ZNF14: variants seen among roughly 807,000 people sequenced by gnomAD.
ZNF14 encodes gonadotropin inducible transcription repressor-4.
A neutral mutation model predicts 11.3 loss-of-function variants in ZNF14; 9 were observed. The ratio of observed to expected loss-of-function variants is 0.80; its 90% CI spans 0.48 to 1.39. The LOEUF (loss-of-function observed/expected upper bound fraction) is 1.39, where lower values mean the gene tolerates loss of function less well. ZNF14 is among the 40% of genes most tolerant of loss of function. The pLI is 0.00. For missense variants in ZNF14, 711 were observed against 763.9 expected, an observed-to-expected ratio of 0.93 and a Z score of 0.82; for synonymous variants, 239 against 245.7, an observed-to-expected ratio of 0.97 and a Z score of 0.25.
At chr19:19,732,762 C>G (rs1476695053) in intron 1 of ZNF14, among the ~76,000 whole-genome samples, 194 bp downstream of exon 1, 1 of 152,192 alleles carries the variant, frequency 6.6e-6, no homozygotes, top group African/African-American at 2.4e-5. Flanking sequence ...GAGGTCGCCC[C>G]GCGGGGACGG....
At position 19,732,863 on chromosome 19, in the gene ZNF14, A is replaced by G. The variant is rs1458326256; in HGVS notation, c.3+93T>C. The G allele has an allele frequency of 3.2e-6, 5 of 1,543,024 alleles. No individual in the cohort carries two copies. In the East Asian group the frequency reaches 1.2e-4, roughly 36 times the overall value. The stretch of plus-strand genomic sequence containing the variant: ...GCCCGCGGTGGCCCCCGGGTCTGCA[A>G]ACCCCGGAGTTGACTGCAAGGAGGT... On this transcript the variant is annotated intron_variant, in intron 1 of 3. Coordinates refer to ENST00000344099, the MANE Select transcript of ZNF14 (RefSeq NM_021030.3).
Position 19,711,887 on chromosome 19 carries a change from T to G in ZNF14, c.1394A>C (p.His465Pro). The change falls in exon 4 of 4, where the codon CAT (histidine) becomes CCT (proline). Residue 465 changes from histidine (H) to proline (P), a missense_variant. Transcript: ENST00000344099. ...AFRCSSYFRI[H>P]ERSHTGEKPY... is the part of the protein sequence containing the mutation. ...TTTCTCTCCAGTGTGTGACCTTTCA[T>G]GAATTCGAAAATAACTTGAACACCT... The G allele has an allele frequency of 6.2e-7, 1 of 1,614,090 alleles. No homozygotes were observed. The highest frequency in any genetic ancestry group is 8.5e-7 in the Non-Finnish European group (1 of 1,179,964).
intron 1 of ZNF14, among the ~76,000 whole-genome samples, chr19:19,721,062 A>G (rs2062392094): frequency 6.6e-6 from 1 of 152,132 alleles, no homozygotes. Context: ...GGTTCAAGTG[A>G]TCCTCCTGCC....
Position 19,711,442 on chromosome 19 carries a change from T to C in ZNF14, c.1839A>G (p.Lys613=), listed in dbSNP as rs766677785. ...TTCCACATTGTTTGCATTCATAAGG[T>C]TTCTCTCCAGTGTGAGACCTTTCAT... ...RIHERSHTGE[K]PYECKQCGKA... is the part of the protein sequence containing the mutation. The change falls in exon 4 of 4, where the codon AAA becomes AAG. Residue 613 remains lysine (K), a synonymous_variant. Transcript: ENST00000344099. The C allele has an allele frequency of 6.2e-7, 1 of 1,611,334 alleles. No homozygotes were observed. The highest frequency in any genetic ancestry group is 8.5e-7 in the Non-Finnish European group (1 of 1,179,054).
intron 1 of ZNF14, among the ~76,000 whole-genome samples, chr19:19,721,681 G>A (rs960141907): frequency 6.6e-6 from 1 of 152,120 alleles, no homozygotes; most frequent in Non-Finnish European, 1.5e-5. Context: ...AACAACCTGG[G>A]CTTGGTGTGG....
intron 1 of ZNF14, among the ~76,000 whole-genome samples, chr19:19,716,768 G>T (rs985450539): frequency 6.6e-6 from 1 of 152,078 alleles, no homozygotes; most frequent in Non-Finnish European, 1.5e-5. Context: ...GGGTCATAAG[G>T]CAAAGTTTTC....
chr19:19,723,396 G>A (rs1167285718), intron 1 of ZNF14, among the ~76,000 whole-genome samples: 1 of 152,032 alleles, frequency 6.6e-6, no homozygotes, highest in African/African-American at 2.4e-5. Context: ...ATTGATTTGT[G>A]TATGTTGAAC....
intron 1 of ZNF14, among the ~76,000 whole-genome samples, chr19:19,721,119 G>A (rs1457706217): frequency 1.2e-4 from 18 of 152,104 alleles, no homozygotes; most frequent in Admixed American, 5.2e-4. Context: ...CACCATGCCC[G>A]GCTAATTTTT....
Position 19,725,331 on chromosome 19 carries a change from C to T in ZNF14, c.3+7625G>A, listed in dbSNP as rs1304620065. ...TGTAAAGGATTTTATTTCTCCTTCA[C>T]TTATGAAGCTTAGTTTGGCTGGATA... On this transcript the variant is annotated intron_variant, in intron 1 of 3. Transcript: ENST00000344099. 2.3e-5 allele frequency among the ~76,000 whole-genome samples: 3 copies of T among 133,192 alleles called. 1 individual carries two copies. The highest frequency in any genetic ancestry group is 8.4e-5 in the African/African-American group (3 of 35,926). 87.4% of individuals were successfully genotyped at this position (133,192 alleles called of 152,430 possible). A position where few individuals can be genotyped will look rare whatever the true frequency, so the allele number is the denominator to read the frequency against.
rs1463794162 is a variant in ZNF14, at chr19:19,711,274, C to T, written c.*78G>A. ...TAGAACAATGTTTGTATTCACACAG[C>T]TTCTGTCCAGTATGAACTCTTTTGT... On this transcript the variant is annotated 3_prime_UTR_variant, in exon 4 of 4. Transcript: ENST00000344099. 4.1e-6 allele frequency: 6 copies of T among 1,459,514 alleles called. No homozygotes were observed. In the African/African-American group the frequency reaches 7.1e-5, roughly 17 times the overall value. The allele number at this position is 1,459,514 out of a possible 1,614,324, so 90.4% of individuals were successfully genotyped here.
At chr19:19,721,363 T>C (rs1418298626) in intron 1 of ZNF14, among the ~76,000 whole-genome samples, 2 of 152,186 alleles carry the variant, frequency 1.3e-5, no homozygotes, top group African/African-American at 4.8e-5. Context: ...AAATGCCAAC[T>C]CTATCTCCCA....
At position 19,728,685 on chromosome 19, in the gene ZNF14, A is replaced by C. The variant is rs1182983885; in HGVS notation, c.3+4271T>G. 2.3e-5 allele frequency among the ~76,000 whole-genome samples: 3 copies of C among 132,436 alleles called. 1 individual carries two copies. The East Asian group carries it at 6.3e-4, about 28-fold the overall frequency. The allele number at this position is 132,436 out of a possible 152,430, so 86.9% of individuals were successfully genotyped here. ...CAAAGCAGATCTAAAAGATGGTACA[A>C]CACCAGACACAGCTATCACACCAAT... On this transcript the variant is annotated intron_variant, in intron 1 of 3. Transcript: ENST00000344099.
rs891502561 is a variant in ZNF14, at chr19:19,714,078, G to A, written c.191+13C>T. On this transcript the variant is annotated intron_variant, in intron 3 of 3. Transcript: ENST00000344099. ...CCCCCACGGGCCACTATTTTTCTGTGGATGCAACTCACCTTCGATTTTTCC... is the reference window on the plus strand; with the variant it reads ...CCCCCACGGGCCACTATTTTTCTGTAGATGCAACTCACCTTCGATTTTTCC... The A allele has an allele frequency of 6.2e-7, 1 of 1,611,488 alleles. No individual in the cohort carries two copies. The highest frequency in any genetic ancestry group is 1.3e-5 in the African/African-American group (1 of 74,910).
intron 1 of ZNF14, among the ~76,000 whole-genome samples, chr19:19,719,115 T>G (rs2062385498): frequency 1.3e-5 from 2 of 151,996 alleles, no homozygotes; most frequent in South Asian, 4.2e-4. Context: ...AGTGAAATGT[T>G]TAAAACATTA....
Position 19,720,811 on chromosome 19 carries a change from T to G in ZNF14, c.4-6324A>C, listed in dbSNP as rs529253213. On this transcript the variant is annotated intron_variant, in intron 1 of 3. Coordinates refer to ENST00000344099, the MANE Select transcript of ZNF14 (RefSeq NM_021030.3). The surrounding 1 kb of genome is among the most constrained non-coding windows in gnomAD (Gnocchi z 4.1). ...ACCCTATAATCCCACAGCAGCAAGA[T>G]GTATATAGAAATTAACCAGGCTACT... Among the ~76,000 whole-genome samples the G allele has an allele frequency of 1.8e-4, 28 of 152,262 alleles. No individual in the cohort carries two copies. The highest frequency in any genetic ancestry group is 2.9e-5 in the Non-Finnish European group (2 of 68,016).
chr19:19,728,532 A>AC lies in ZNF14; in HGVS notation c.3+4423_3+4424insG, dbSNP rs1462085991. On this transcript the variant is annotated intron_variant, in intron 1 of 3. Coordinates refer to ENST00000344099, the MANE Select transcript of ZNF14 (RefSeq NM_021030.3). ...CTCCGTCTCAAAAAAAAAAAAAAAA[A>AC]AAAACATATACTGGAAGAACTAACA... Among the ~76,000 whole-genome samples the AC allele has an allele frequency of 4.6e-5, 6 of 129,218 alleles. 2 individuals are homozygous for AC. In the East Asian group the frequency reaches 6.4e-4, roughly 14 times the overall value. 84.8% of individuals were successfully genotyped at this position (129,218 alleles called of 152,430 possible).
At chr19:19,714,042 C>G (rs1204484871) in intron 3 of ZNF14, 49 bp downstream of exon 3, 5 of 1,548,344 alleles carry the variant, frequency 3.2e-6, no homozygotes, top group African/African-American at 1.4e-5. Context: ...TGCTTGCTTT[C>G]TTTTGAAATT....
chr19:19,732,844 G>T, intron 1 of ZNF14, 112 bp downstream of exon 1: 1 of 1,414,602 alleles, frequency 7.1e-7, no homozygotes, highest in Non-Finnish European at 9.6e-7. Context: ...CTGCGCCCGC[G>T]GTGGCCCCCG....
chr19:19,719,246 G>A (rs2145098171), intron 1 of ZNF14, among the ~76,000 whole-genome samples: 1 of 152,224 alleles, frequency 6.6e-6, no homozygotes, highest in East Asian at 1.9e-4. Context: ...TACCTGCCTT[G>A]AAAGAACTGT....
Sources: allele counts gnomAD v4.1 joint callset (sites outside exome capture counted in the v4.1 genomes callset), GRCh38; gene constraint gnomAD v4.1.1; non-coding constraint Gnocchi (gnomAD v3.1); transcripts MANE v1.5; gene names NCBI Gene and HGNC (gene_info 2026-07-23, HGNC 2026-07-21).